Variants in PCDHA2 observed in about 807,000 individuals in gnomAD.
PCDHA2 encodes protocadherin alpha 2, also known as protocadherin alpha-2.
PCDHA2 carries 58 observed loss-of-function variants against 66.0 expected under a neutral mutation model. The observed-to-expected ratio is 0.88, with a 90% CI of 0.71 to 1.09. PCDHA2 has a LOEUF of 1.09. PCDHA2 is among the 50% of genes least tolerant of loss of function. PCDHA2 has a pLI of 0.00. For synonymous variants in PCDHA2, 634 were observed against 554.0 expected, an observed-to-expected ratio of 1.14 and a Z score of -2.03; for missense variants, 1,267 against 1,242.3, an observed-to-expected ratio of 1.02 and a Z score of -0.30.
At chr5:140,801,791 A>G in intron 1 of PCDHA2, 1 of 1,614,032 alleles carries the variant, frequency 6.2e-7, no homozygotes, top group Non-Finnish European at 8.5e-7. Flanking sequence ...TGTTGAAAAA[A>G]AATTTAAATC....
At chr5:140,848,219 T>A in intron 1 of PCDHA2, 1 of 368,880 alleles carries the variant, frequency 2.7e-6, no homozygotes, top group Non-Finnish European at 4.9e-6. Flanking sequence ...TAAGAAAAAA[T>A]TAAGAAAATG....
chr5:140,856,566 C>A, intron 1 of PCDHA2: 2 of 1,597,240 alleles, frequency 1.3e-6, no homozygotes, highest in Non-Finnish European at 1.7e-6. Flanking sequence ...AAACTCAGTC[C>A]AAATGAGTAT....
In PCDHA2 at chr5:140,854,136, C is replaced by T. The variant is rs1341561455; in HGVS notation, c.2388+56784C>T. 15 of 398,606 alleles carry T rather than the reference C, an allele frequency of 3.8e-5. 1 individual carries two copies. The highest frequency in any genetic ancestry group is 1.0e-4 in the South Asian group (1 of 9,692). 24.7% of individuals were successfully genotyped at this position (398,606 alleles called of 1,614,324 possible). ...GTGATGGCACAACTGCATTTCAGCCCGGGTGACAGCAAGATTCTGTCTCAA... is the reference window on the plus strand; with the variant it reads ...GTGATGGCACAACTGCATTTCAGCCTGGGTGACAGCAAGATTCTGTCTCAA... On this transcript the variant is annotated intron_variant, in intron 1 of 3. Transcript: ENST00000526136.
At position 140,848,612 on chromosome 5, in the gene PCDHA2, C is replaced by T. The variant is rs141640003; in HGVS notation, c.2388+51260C>T. The T allele has an allele frequency of 2.7e-3, 4,330 of 1,586,952 alleles. 470 individuals carry two copies. Among genetic ancestry groups the T allele is most frequent in the Middle Eastern group, 9.9e-3 (57 of 5,730 alleles). On this transcript the variant is annotated intron_variant, in intron 1 of 3. Coordinates refer to ENST00000526136, the MANE Select transcript of PCDHA2 (RefSeq NM_018905.3). Reference sequence around the variant, plus strand: ...TCCACTACTCCGTCCCGGAGGAAGCCGAACACGGCACCTTCGTGGGCCGCA... The same window carrying T: ...TCCACTACTCCGTCCCGGAGGAAGCTGAACACGGCACCTTCGTGGGCCGCA...
intron 1 of PCDHA2, among the ~76,000 whole-genome samples, chr5:140,827,731 T>G (rs1769378548): frequency 6.6e-6 from 1 of 152,264 alleles, no homozygotes; most frequent in Non-Finnish European, 1.5e-5. Context: ...GTTGTTTAGC[T>G]GTGAATAATT....
chr5:140,866,911 G>C (rs1359822435), intron 1 of PCDHA2: 4 of 152,102 alleles, frequency 2.6e-5, no homozygotes, highest in African/African-American at 9.7e-5. Context: ...GATCCTCAAA[G>C]ATGAGTTCAA....
chr5:140,969,880 A>G (rs1365035569), intron 1 of PCDHA2, among the ~76,000 whole-genome samples: 2 of 152,238 alleles, frequency 1.3e-5, no homozygotes, highest in Non-Finnish European at 2.9e-5. Flanking sequence ...CCTATGTGAT[A>G]GGATCCTCTG....
At chr5:140,985,739 CTTT>C (rs11372071) in intron 3 of PCDHA2, among the ~76,000 whole-genome samples, 5 of 117,900 alleles carry the variant, frequency 4.2e-5, no homozygotes, top group Non-Finnish European at 1.7e-5. Context: ...TGATGAATTC[CTTT>C]TTTTTTTTTT....
At chr5:140,951,395 G>A (rs1036290024) in intron 1 of PCDHA2, among the ~76,000 whole-genome samples, 1 of 152,030 alleles carries the variant, frequency 6.6e-6, no homozygotes, top group African/African-American at 2.4e-5. Flanking sequence ...AATTTATAAA[G>A]AAAAGAGGTT....
chr5:140,945,076 C>G (rs2093735426), intron 1 of PCDHA2, among the ~76,000 whole-genome samples: 1 of 152,104 alleles, frequency 6.6e-6, no homozygotes, highest in South Asian at 2.1e-4. Flanking sequence ...TCCACCAAAA[C>G]ACTCTTGGAA....
intron 1 of PCDHA2, chr5:140,842,490 T>G: frequency 6.2e-7 from 1 of 1,613,916 alleles, no homozygotes; most frequent in Non-Finnish European, 8.5e-7. Context: ...TGCTCCCTGA[T>G]GCCCCATGTC....
chr5:140,826,565 G>T (rs1768967744), intron 1 of PCDHA2, among the ~76,000 whole-genome samples: 1 of 152,090 alleles, frequency 6.6e-6, no homozygotes, highest in South Asian at 2.1e-4. Flanking sequence ...TTGAAGGAGG[G>T]GTTTAATCAC....
chr5:140,800,391 T>A (rs945270616), intron 1 of PCDHA2, among the ~76,000 whole-genome samples: 2 of 152,122 alleles, frequency 1.3e-5, no homozygotes, highest in African/African-American at 4.8e-5. Context: ...TCTACAAATT[T>A]AAAAAACCAT....
chr5:140,965,173 G>A (rs1257436786), intron 1 of PCDHA2, among the ~76,000 whole-genome samples: 1 of 152,218 alleles, frequency 6.6e-6, no homozygotes, highest in African/African-American at 2.4e-5. Flanking sequence ...TTTAGTGAGT[G>A]CTTTTTTTGC....
intron 1 of PCDHA2, among the ~76,000 whole-genome samples, chr5:140,833,257 C>T (rs1170733217): frequency 6.6e-6 from 1 of 152,092 alleles, no homozygotes; most frequent in African/African-American, 2.4e-5. Flanking sequence ...ACCAGGAGAG[C>T]AGCAATTATA....
chr5:141,009,372 T>C (rs1026606654), intron 3 of PCDHA2, among the ~76,000 whole-genome samples: 3 of 152,152 alleles, frequency 2.0e-5, no homozygotes, highest in Non-Finnish European at 1.5e-5. Context: ...GATGGGAGGA[T>C]TGATTGAGCA....
chr5:140,814,959 A>G, intron 1 of PCDHA2: 1 of 152,090 alleles, frequency 6.6e-6, no homozygotes, highest in East Asian at 1.9e-4. Flanking sequence ...GTCTCTTATG[A>G]CACTTTTTGA....
chr5:140,880,920 A>G (rs1189539222), intron 1 of PCDHA2, among the ~76,000 whole-genome samples: 1 of 152,228 alleles, frequency 6.6e-6, no homozygotes, highest in Non-Finnish European at 1.5e-5. Flanking sequence ...GAGAAATACT[A>G]TGTTAGTAAA....
chr5:140,807,023 A>T, intron 1 of PCDHA2: 1 of 827,342 alleles, frequency 1.2e-6, no homozygotes, highest in Non-Finnish European at 1.9e-6. Flanking sequence ...ACATGAGAGA[A>T]GGAGGAAGAA....
Sources: allele counts gnomAD v4.1 joint callset (sites outside exome capture counted in the v4.1 genomes callset), GRCh38; gene constraint gnomAD v4.1.1; transcripts MANE v1.5; gene names NCBI Gene and HGNC (gene_info 2026-07-23, HGNC 2026-07-21).